Variants in DNM1 observed in about 807,000 individuals in gnomAD.
DNM1 encodes dynamin-1.
DNM1 carries 29 observed loss-of-function variants against 104.6 expected under a neutral mutation model. The observed-to-expected ratio is 0.28, with a 90% CI of 0.21 to 0.38. The LOEUF is 0.38. DNM1 is among the 10% of genes least tolerant of loss of function. The pLI, the probability that DNM1 is intolerant of heterozygous loss-of-function variation, is 1.00. For synonymous variants in DNM1, 445 were observed against 475.8 expected (o/e 0.94, Z 0.84); for missense variants, 640 against 1,189.4 (o/e 0.54, Z 6.79).
chr9:128,240,089 T>G lies in DNM1; in HGVS notation c.1557+93T>G. On this transcript the variant is annotated intron_variant, in intron 14 of 21. Transcript: ENST00000372923. The surrounding 1 kb of genome is among the most constrained non-coding windows in gnomAD (Gnocchi z 5.1). ...TCTGCAACGGGTAGGAGGGCACCCTTTGGCTGAAGCTGCTTGTACACACCA... is the reference window on the plus strand; with the variant it reads ...TCTGCAACGGGTAGGAGGGCACCCTGTGGCTGAAGCTGCTTGTACACACCA... The G allele has an allele frequency of 4.1e-6, 6 of 1,470,414 alleles. 1 individual carries two copies. In the South Asian group the frequency reaches 6.8e-5, roughly 17 times the overall value. The allele number at this position is 1,470,414 out of a possible 1,614,324, so 91.1% of individuals were successfully genotyped here. A position where few individuals can be genotyped will look rare whatever the true frequency, so the allele number is the denominator to read the frequency against.
In DNM1 at chr9:128,240,036, G is replaced by A. The variant is rs1274729946; in HGVS notation, c.1557+40G>A. On this transcript the variant is annotated intron_variant, in intron 14 of 21. Coordinates refer to ENST00000372923, the MANE Select transcript of DNM1 (RefSeq NM_004408.4). The surrounding 1 kb of genome is among the most constrained non-coding windows in gnomAD (Gnocchi z 5.1). ...TGGGGCTCTCGGCTTGTGTAGTGAG[G>A]GGGCGGAGGGTCCATCGGCAGTGGG... The A allele has an allele frequency of 4.3e-6, 7 of 1,613,162 alleles. No individual in the cohort carries two copies. Among genetic ancestry groups the A allele is most frequent in the African/African-American group, 2.7e-5 (2 of 74,880 alleles).
intron 12 of DNM1, 50 bp downstream of exon 12, chr9:128,239,565 A>G (rs529276153): frequency 7.2e-5 from 91 of 1,268,448 alleles, no homozygotes; most frequent in Non-Finnish European, 5.4e-5. Context: ...CAGAGAAGGT[A>G]ACGTGTGTGT....
chr9:128,239,324 A>G, intron 11 of DNM1, 121 bp from the exon 12 acceptor site: 1 of 738,666 alleles, frequency 1.4e-6, no homozygotes, highest in Non-Finnish European at 2.4e-6. Context: ...GGTAGGGACT[A>G]TATTTATTAT....
At position 128,233,979 on chromosome 9, in the gene DNM1, C is replaced by T. The variant is rs1488986639; in HGVS notation, c.1336-42C>T. On this transcript the variant is annotated intron_variant, in intron 10 of 21. Coordinates refer to ENST00000372923, the MANE Select transcript of DNM1 (RefSeq NM_004408.4). ...GGGGTGTGGGTGCTCCCTGCCCGTGCCCTCTGTGTACGTGGCTTTCTGCCC... is the reference window on the plus strand; with the variant it reads ...GGGGTGTGGGTGCTCCCTGCCCGTGTCCTCTGTGTACGTGGCTTTCTGCCC... 2.7e-5 allele frequency: 42 copies of T among 1,534,776 alleles called. No individual in the cohort carries two copies. The Middle Eastern group carries it at 5.8e-4, about 21-fold the overall frequency.
At chr9:128,231,171 A>C (rs1835663143) in intron 10 of DNM1, among the ~76,000 whole-genome samples, 1 of 149,962 alleles carries the variant, frequency 6.7e-6, no homozygotes, top group African/African-American at 2.4e-5. Flanking sequence ...TTTGGTCTAA[A>C]AGGAGGAAAC....
At chr9:128,214,635 C>T (rs1351535902) in intron 1 of DNM1, among the ~76,000 whole-genome samples, 1 of 152,184 alleles carries the variant, frequency 6.6e-6, no homozygotes. Flanking sequence ...CCAGTTCAGA[C>T]AGGGAGTGTG....
At chr9:128,211,066 C>T (rs1284807503) in intron 1 of DNM1, among the ~76,000 whole-genome samples, 3 of 152,260 alleles carry the variant, frequency 2.0e-5, no homozygotes, top group Admixed American at 6.5e-5. Flanking sequence ...CCAAGATCAA[C>T]TGCCTGCCGG....
chr9:128,251,142 A>T, intron 21 of DNM1: 1 of 675,754 alleles, frequency 1.5e-6, no homozygotes, highest in Non-Finnish European at 2.7e-6. Context: ...TGAGTCCCGG[A>T]GGTGGTCGTT....
At position 128,245,825 on chromosome 9, in the gene DNM1, A is replaced by G. The variant is rs914803221; in HGVS notation, c.1672-569A>G. ...ATACACATGTGCACACACACACAATAGCTGATAGGATATGTACTTGGGCTT... is the reference window on the plus strand; with the variant it reads ...ATACACATGTGCACACACACACAATGGCTGATAGGATATGTACTTGGGCTT... On this transcript the variant is annotated intron_variant, in intron 15 of 21. Transcript: ENST00000372923. The surrounding 1 kb of genome is among the most constrained non-coding windows in gnomAD (Gnocchi z 5.2). 2.0e-5 allele frequency among the ~76,000 whole-genome samples: 3 copies of G among 152,208 alleles called. No homozygotes were observed. The highest frequency in any genetic ancestry group is 7.2e-5 in the African/African-American group (3 of 41,450).
At chr9:128,205,208 G>A (rs1833858185) in intron 1 of DNM1, among the ~76,000 whole-genome samples, 1 of 152,186 alleles carries the variant, frequency 6.6e-6, no homozygotes, top group South Asian at 2.1e-4. Context: ...CCAGCAGTCA[G>A]GGATATCCAG....
intron 1 of DNM1, among the ~76,000 whole-genome samples, chr9:128,207,338 C>G (rs540635530): frequency 9.2e-5 from 14 of 151,900 alleles, no homozygotes; most frequent in African/African-American, 3.4e-4. Flanking sequence ...GATTTAAACC[C>G]GAGAGTAGAT....
rs1486701242 is a variant in DNM1 at position 128,220,723 on chromosome 9, T to C, written c.849+382T>C. Among the ~76,000 whole-genome samples the C allele has an allele frequency of 1.4e-5, 1 of 73,178 alleles. No individual in the cohort carries two copies. Among genetic ancestry groups the C allele is most frequent in the Admixed American group, 1.6e-4 (1 of 6,098 alleles). The allele number at this position is 73,178 out of a possible 152,430, so 48.0% of individuals were successfully genotyped here. On this transcript the variant is annotated intron_variant, in intron 6 of 21. Transcript: ENST00000372923. The surrounding 1 kb of genome is among the most constrained non-coding windows in gnomAD (Gnocchi z 5.2). ...CCATCTGGAATGGGGCATCCAGAAC[T>C]GAAGTGCGCGCGCGCGCGCGTGTGT...
At chr9:128,251,181 C>G (rs1371219097) in intron 21 of DNM1, 1 of 676,892 alleles carries the variant, frequency 1.5e-6, no homozygotes. Flanking sequence ...GGGCTCGTCC[C>G]ACCTGCCCCC....
Position 128,247,471 on chromosome 9 carries a change from C to A in DNM1, c.1878C>A (p.Tyr626Ter). ...CCTCCTTCCTGAGGGCTGGCGTGTA[C>A]CCTGAGCGTGTTGGGGTGAGTGGCA... Reference protein sequence around the residue: ...WKASFLRAGVYPERVGDKEKA... With the variant: ...WKASFLRAGV Residue 626 changes from tyrosine to a stop codon, truncating the protein, a stop_gained, in exon 17 of 22, where the codon TAC becomes TAA. Coordinates refer to ENST00000372923, the MANE Select transcript of DNM1 (RefSeq NM_004408.4). LOFTEE classifies it high-confidence loss of function. The surrounding 1 kb of genome is among the most constrained non-coding windows in gnomAD (Gnocchi z 5.1). 6.2e-7 allele frequency: 1 copy of A among 1,612,558 alleles called. No individual in the cohort carries two copies. The highest frequency in any genetic ancestry group is 1.3e-5 in the African/African-American group (1 of 75,016).
Position 128,243,143 on chromosome 9 carries a change from G to A in DNM1, c.1671+798G>A, listed in dbSNP as rs755545240. On this transcript the variant is annotated intron_variant, in intron 15 of 21. Transcript: ENST00000372923. The surrounding 1 kb of genome is among the most constrained non-coding windows in gnomAD (Gnocchi z 4.0). ...GGGCAAGGAGTGTGGGGGCCCTGCC[G>A]AGGTGCCACAAAAAACCCCTCCCCG... Among the ~76,000 whole-genome samples the A allele has an allele frequency of 4.8e-4, 73 of 152,252 alleles. No homozygotes were observed. The highest frequency in any genetic ancestry group is 8.7e-4 in the Non-Finnish European group (59 of 67,994).
At position 128,247,124 on chromosome 9, in the gene DNM1, G is replaced by T; in HGVS notation, c.1782-251G>T. On this transcript the variant is annotated intron_variant, in intron 16 of 21. Transcript: ENST00000372923. This position sits in a 1 kb window ranked among gnomAD's most constrained non-coding sequence, Gnocchi z 5.1. ...GACTATGGTTGTCCTCTTGTCAAAG[G>T]TCCAGTCCCCTTCTAAGCATTTTAC... 1 of 393,188 alleles carries T rather than the reference G, an allele frequency of 2.5e-6. No homozygotes were observed. Among genetic ancestry groups the T allele is most frequent in the Non-Finnish European group, 4.7e-6 (1 of 213,092 alleles). 24.4% of individuals were successfully genotyped at this position (393,188 alleles called of 1,614,324 possible). A position where few individuals can be genotyped will look rare whatever the true frequency, so the allele number is the denominator to read the frequency against.
intron 10 of DNM1, among the ~76,000 whole-genome samples, chr9:128,230,686 AG>A (rs1220171549): frequency 6.6e-6 from 1 of 152,074 alleles, no homozygotes; most frequent in Non-Finnish European, 1.5e-5. Context: ...TCCTGACCTC[AG>A]GTGATCCACC....
Position 128,253,346 on chromosome 9 carries a change from C to G in DNM1, c.2535-1308C>G. The G allele has an allele frequency of 1.7e-6, 1 of 592,042 alleles. No homozygotes were observed. The highest frequency in any genetic ancestry group is 3.0e-6 in the Non-Finnish European group (1 of 331,544). The allele number at this position is 592,042 out of a possible 1,614,324, so 36.7% of individuals were successfully genotyped here. ...AGCCTCGGGACTCAGTGCCACTGCC[C>G]AAGGCCTCCATGGCTGAGCCTGGAG... On this transcript the variant is annotated intron_variant, in intron 21 of 21. Transcript: ENST00000372923. This position sits in a 1 kb window ranked among gnomAD's most constrained non-coding sequence, Gnocchi z 5.9.
intron 21 of DNM1, chr9:128,251,355 C>T (rs1187558424): frequency 1.1e-5 from 4 of 349,088 alleles, no homozygotes; most frequent in Non-Finnish European, 2.3e-5. Context: ...ACTCTGAACC[C>T]CGATCTGCTC....
Sources: gnomAD v4.1 joint callset for allele counts (sites outside exome capture counted in the v4.1 genomes callset) on GRCh38, gnomAD v4.1.1 for gene constraint, Gnocchi (gnomAD v3.1) non-coding constraint, MANE v1.5 for transcripts, NCBI Gene and HGNC (gene_info 2026-07-23, HGNC 2026-07-21) for gene names.